BRCA2: variants seen among roughly 807,000 people sequenced by gnomAD.
The protein encoded by BRCA2 is breast cancer type 2 susceptibility protein.
Under a neutral mutation model 276.7 loss-of-function variants are expected in BRCA2, and 203 were observed. The observed-to-expected ratio is 0.73, with a 90% CI of 0.65 to 0.82. The LOEUF is 0.82. BRCA2 is among the 40% of genes least tolerant of loss of function. The pLI, the probability that BRCA2 is intolerant of heterozygous loss-of-function variation, is 0.00. For synonymous variants in BRCA2, 1,289 were observed against 1,338.4 expected (o/e 0.96, Z 0.81); for missense variants, 3,920 against 3,915.0 (o/e 1.00, Z -0.03).
rs762458631 is a variant in BRCA2 at position 32,339,383 on chromosome 13, T to A, written c.5028T>A (p.Ser1676Arg). ...CCTTAGCTTTTTACACAAGTTGTAG[T>A]AGAAAAACTTCTGTGAGTCAGACTT... ...NSALAFYTSC[S>R]RKTSVSQTSL... Residue 1676 changes from serine to arginine, a missense_variant, in exon 11 of 27, where the codon AGT becomes AGA. This residue lies in a region of BRCA2 where 3,263 missense variants were observed against 3,156.9 expected (regional missense o/e 1.03). Transcript: ENST00000380152. 1 of 1,595,500 alleles carries A rather than the reference T, an allele frequency of 6.3e-7. No individual in the cohort carries two copies.
chr13:32,350,021 A>C (rs1350843576), intron 13 of BRCA2, among the ~76,000 whole-genome samples: 1 of 152,142 alleles, frequency 6.6e-6, no homozygotes, highest in Non-Finnish European at 1.5e-5. Flanking sequence ...ATCTCCCCTC[A>C]CCAAGCCCTT....
rs1060502491 is a variant in BRCA2 at position 32,332,433 on chromosome 13, A to G, written c.955A>G (p.Asn319Asp). ...SLCFSKCRTK[N>D]LQKVRTSKTR... Reference sequence around the variant, plus strand: ...ATGTTTTTCTAAATGTAGAACAAAAAATCTACAAAAAGTAAGAACTAGCAA... The same window carrying G: ...ATGTTTTTCTAAATGTAGAACAAAAGATCTACAAAAAGTAAGAACTAGCAA... Residue 319 changes from asparagine to aspartate, a missense_variant, in exon 10 of 27, where the codon AAT (asparagine) becomes GAT (aspartate). Around this residue, in one of 2 missense-constraint regions of BRCA2, gnomAD observed 3,263 missense variants for 3,156.9 expected, o/e 1.03. Transcript: ENST00000380152. The G allele has an allele frequency of 6.3e-7, 1 of 1,590,116 alleles. No individual in the cohort carries two copies. Among genetic ancestry groups the G allele is most frequent in the Non-Finnish European group, 8.5e-7 (1 of 1,171,636 alleles).
Position 32,326,272 on chromosome 13 carries a change from A to G in BRCA2, c.506A>G (p.Lys169Arg), listed in dbSNP as rs80358730. The G allele has an allele frequency of 1.7e-4, 279 of 1,613,078 alleles. No individual in the cohort carries two copies. The highest frequency in any genetic ancestry group is 2.2e-4 in the Non-Finnish European group (257 of 1,179,278). ...VVCGSLFHTP[K>R]FVKGRQTPKH... ...TGTGGGAGTTTGTTTCATACACCAA[A>G]GTTTGTGAAGGTAAATATTCTACCT... The change falls in exon 6 of 27, where the codon AAG (lysine) becomes AGG (arginine). Residue 169 changes from lysine (K) to arginine (R), a missense_variant. Around this residue, in one of 2 missense-constraint regions of BRCA2, gnomAD observed 3,263 missense variants for 3,156.9 expected, o/e 1.03. Transcript: ENST00000380152.
At chr13:32,378,186 T>C (rs915175855) in intron 21 of BRCA2, among the ~76,000 whole-genome samples, 37 of 152,236 alleles carry the variant, frequency 2.4e-4, no homozygotes, top group Admixed American at 2.1e-3. Flanking sequence ...TATTTTTTTG[T>C]CTGGACATAA....
chr13:32,353,341 C>A (rs2072664819), intron 13 of BRCA2, among the ~76,000 whole-genome samples: 1 of 152,198 alleles, frequency 6.6e-6, no homozygotes, highest in Admixed American at 6.5e-5. Context: ...CCCCTGCTTA[C>A]CTCCCTACTC....
intron 3 of BRCA2, among the ~76,000 whole-genome samples, chr13:32,319,643 A>G (rs1048103304): frequency 6.6e-6 from 1 of 152,138 alleles, no homozygotes; most frequent in Non-Finnish European, 1.5e-5. Context: ...AAACTAAACT[A>G]TATTTCTGCA....
At chr13:32,360,646 C>A (rs1444313462) in intron 16 of BRCA2, among the ~76,000 whole-genome samples, 1 of 152,346 alleles carries the variant, frequency 6.6e-6, no homozygotes, top group African/African-American at 2.4e-5. Context: ...GTGTGAGCCA[C>A]TGTGTCCAGC....
intron 13 of BRCA2, among the ~76,000 whole-genome samples, chr13:32,352,628 G>T (rs1488520532): frequency 2.0e-5 from 3 of 152,076 alleles, no homozygotes; most frequent in Admixed American, 1.3e-4. Flanking sequence ...GGGGACAGAG[G>T]GAAACAAAAA....
intron 20 of BRCA2, among the ~76,000 whole-genome samples, chr13:32,376,236 T>A (rs924230218): frequency 6.6e-6 from 1 of 152,088 alleles, no homozygotes; most frequent in Non-Finnish European, 1.5e-5. Context: ...GGAAAACTTA[T>A]AGCAGGCCAG....
intron 10 of BRCA2, among the ~76,000 whole-genome samples, chr13:32,333,665 T>G (rs2072427810): frequency 6.6e-6 from 1 of 152,178 alleles, no homozygotes; most frequent in Non-Finnish European, 1.5e-5. Flanking sequence ...GTTTGTTACA[T>G]AAGTAAACGT....
intron 3 of BRCA2, among the ~76,000 whole-genome samples, chr13:32,324,250 AG>A (rs1158368227): frequency 6.6e-6 from 1 of 152,174 alleles, no homozygotes; most frequent in Non-Finnish European, 1.5e-5. Flanking sequence ...AGTTTTCTGG[AG>A]GAGGTAGTTT....
intron 13 of BRCA2, among the ~76,000 whole-genome samples, chr13:32,352,406 A>G (rs1294388226): frequency 7.9e-5 from 12 of 152,216 alleles, no homozygotes; most frequent in Admixed American, 7.9e-4. Flanking sequence ...ATATAAGGAT[A>G]AATAAGTCTA....
intron 18 of BRCA2, among the ~76,000 whole-genome samples, chr13:32,365,870 T>G (rs1407817969): frequency 6.6e-6 from 1 of 151,728 alleles, no homozygotes; most frequent in African/African-American, 2.4e-5. Flanking sequence ...CTCCATTTTT[T>G]TCTCTAGTTT....
In BRCA2 at chr13:32,326,631, G is replaced by T. The variant is rs759965817; in HGVS notation, c.631+18G>T. The T allele has an allele frequency of 1.3e-6, 2 of 1,539,242 alleles. No homozygotes were observed. The highest frequency in any genetic ancestry group is 1.8e-6 in the Non-Finnish European group (2 of 1,114,416). ...GCTCATAGGTAATAATAGCAAATGT[G>T]TATTTACAAGAAAGAGCAGATGAGG... On this transcript the variant is annotated intron_variant, in intron 7 of 26. Coordinates refer to ENST00000380152, the MANE Select transcript of BRCA2 (RefSeq NM_000059.4).
chr13:32,316,499 A>T lies in BRCA2; in HGVS notation c.39A>T (p.Glu13Asp). 1 of 1,614,104 alleles carries T rather than the reference A, an allele frequency of 6.2e-7. No individual in the cohort carries two copies. The highest frequency in any genetic ancestry group is 8.5e-7 in the Non-Finnish European group (1 of 1,179,932). The part of the protein sequence containing the change: ...IGSKERPTFF[E>D]IFKTRCNKAD... The stretch of plus-strand genomic sequence containing the variant: ...CCAAAGAGAGGCCAACATTTTTTGA[A>T]ATTTTTAAGACACGCTGCAACAAAG... The change falls in exon 2 of 27, where the codon GAA becomes GAT. Residue 13 changes from glutamate (E) to aspartate (D), a missense_variant. Physicochemically the swap from Glu to Asp is conservative, Grantham distance 45. This residue lies in a region of BRCA2 where 3,263 missense variants were observed against 3,156.9 expected (regional missense o/e 1.03). Coordinates refer to ENST00000380152, the MANE Select transcript of BRCA2 (RefSeq NM_000059.4).
chr13:32,380,614 C>T (rs1954942940), intron 24 of BRCA2, among the ~76,000 whole-genome samples: 1 of 150,694 alleles, frequency 6.6e-6, no homozygotes, highest in Admixed American at 6.6e-5. Context: ...TATCTCAGCC[C>T]ACTGCAAGTT....
chr13:32,359,444 A>G (rs2072724439), intron 16 of BRCA2, among the ~76,000 whole-genome samples: 1 of 151,930 alleles, frequency 6.6e-6, no homozygotes, highest in African/African-American at 2.4e-5. Flanking sequence ...AAACTATATA[A>G]CCTCTTTTTA....
intron 10 of BRCA2, 88 bp from the exon 11 acceptor site, chr13:32,336,176 CA>C: frequency 1.4e-6 from 2 of 1,423,658 alleles, no homozygotes; most frequent in Non-Finnish European, 1.9e-6. Context: ...CCACTGTGCC[CA>C]AACACTACCT....
chr13:32,394,820 GAATCCA>G lies in BRCA2; in HGVS notation c.9393_9398del (p.Lys3132_Ser3133del). Reference sequence around the variant, plus strand: ...TGCAAGCAACCTCCAGTGGCGACCAGAATCCAAATCAGGCCTTCTTACTTTATTTGC... The same window carrying G: ...TGCAAGCAACCTCCAGTGGCGACCAGAATCAGGCCTTCTTACTTTATTTGC... On this transcript the variant is annotated inframe_deletion, in exon 25 of 27. Transcript: ENST00000380152. 6.2e-7 allele frequency: 1 copy of G among 1,614,114 alleles called. No homozygotes were observed. The highest frequency in any genetic ancestry group is 8.5e-7 in the Non-Finnish European group (1 of 1,180,002).
Sources: gnomAD v4.1 joint callset for allele counts (sites outside exome capture counted in the v4.1 genomes callset) on GRCh38, gnomAD v4.1.1 for gene constraint, gnomAD v4.1.1 regional missense constraint, MANE v1.5 for transcripts, NCBI Gene and HGNC (gene_info 2026-07-23, HGNC 2026-07-21) for gene names.